Variants in MYH15 observed in about 807,000 individuals in gnomAD.
The protein encoded by MYH15 is myosin-15.
A neutral mutation model predicts 240.5 loss-of-function variants in MYH15; 227 were observed. The ratio of observed to expected loss-of-function variants is 0.94; its 90% CI spans 0.85 to 1.05. MYH15 has a LOEUF of 1.05. Ranked by LOEUF, MYH15 falls within the 50% of genes least tolerant of loss-of-function variation. The pLI is 0.00. For missense variants in MYH15, 2,217 were observed against 2,247.5 expected, an observed-to-expected ratio of 0.99 and a Z score of 0.27; for synonymous variants, 785 against 796.7, an observed-to-expected ratio of 0.99 and a Z score of 0.25.
intron 14 of MYH15, among the ~76,000 whole-genome samples, chr3:108,465,423 G>A (rs1225821383): frequency 6.6e-6 from 1 of 152,200 alleles, no homozygotes; most frequent in Admixed American, 6.5e-5. Context: ...AGGAGCAGCT[G>A]GAGCTCAAAG....
chr3:108,484,387 C>T (rs772615732), intron 11 of MYH15, among the ~76,000 whole-genome samples: 3 of 152,156 alleles, frequency 2.0e-5, no homozygotes, highest in East Asian at 1.9e-4. Context: ...GAGTTAGTTA[C>T]TTCCCACTGG....
chr3:108,431,216 T>G (rs1161448318), intron 25 of MYH15, among the ~76,000 whole-genome samples: 1 of 152,224 alleles, frequency 6.6e-6, no homozygotes, highest in Admixed American at 6.5e-5. Flanking sequence ...AACACAATAA[T>G]TCATTCTCAT....
chr3:108,423,972 A>T (rs917638960), intron 27 of MYH15, among the ~76,000 whole-genome samples: 1 of 152,230 alleles, frequency 6.6e-6, no homozygotes, highest in Non-Finnish European at 1.5e-5. Context: ...TTTTTATTTT[A>T]TGATGTCTCC....
the MYH15 span, among the ~76,000 whole-genome samples, chr3:108,542,065 T>C: frequency 1.3e-5 from 2 of 152,150 alleles, no homozygotes; most frequent in African/African-American, 4.8e-5. Context: ...AACTGTCATG[T>C]ATCATCCTTT....
chr3:108,506,874 T>C lies in MYH15; in HGVS notation c.89-1045A>G, dbSNP rs1305823652. Among the ~76,000 whole-genome samples the C allele has an allele frequency of 5.5e-4, 84 of 151,888 alleles. 1 individual carries two copies. Among genetic ancestry groups the C allele is most frequent in the Admixed American group, 5.4e-3 (83 of 15,254 alleles). On this transcript the variant is annotated intron_variant, in intron 1 of 40. Coordinates refer to ENST00000693548, the MANE Select transcript of MYH15 (RefSeq NM_014981.3). ...GGTGAAACCCCATTTCTACTAAAAA[T>C]ACAAAAATTAGCTGGGCATGGTGGC...
chr3:108,426,477 C>T (rs1342676405), intron 27 of MYH15, among the ~76,000 whole-genome samples: 1 of 152,222 alleles, frequency 6.6e-6, no homozygotes, highest in East Asian at 1.9e-4. Flanking sequence ...GTTCAGTGCT[C>T]CTCTGCCACT....
intron 25 of MYH15, among the ~76,000 whole-genome samples, chr3:108,434,023 A>T (rs1358271303): frequency 6.6e-6 from 1 of 152,082 alleles, no homozygotes; most frequent in African/African-American, 2.4e-5. Context: ...AATATCACAT[A>T]CATTTGCATG....
At chr3:108,456,602 T>C (rs1022752207) in intron 19 of MYH15, among the ~76,000 whole-genome samples, 164 bp downstream of exon 19, 3 of 152,152 alleles carry the variant, frequency 2.0e-5, no homozygotes, top group African/African-American at 7.2e-5. Flanking sequence ...TAAGGGGAAA[T>C]AATAATGGAA....
intron 22 of MYH15, among the ~76,000 whole-genome samples, chr3:108,442,159 T>C (rs1279967497): frequency 6.6e-6 from 1 of 152,178 alleles, no homozygotes; most frequent in East Asian, 1.9e-4. Flanking sequence ...TCCTTCATAA[T>C]ATGCCAGTTT....
chr3:108,413,316 G>C (rs1391949976), intron 30 of MYH15, among the ~76,000 whole-genome samples: 4 of 152,240 alleles, frequency 2.6e-5, no homozygotes, highest in Admixed American at 1.3e-4. Context: ...TGTGGGTACA[G>C]AGATGGATCA....
rs2082871807 is a variant in MYH15, at chr3:108,439,891, A to G, written c.2921T>C (p.Val974Ala). 4 of 1,603,180 alleles carry G rather than the reference A, an allele frequency of 2.5e-6. No individual in the cohort carries two copies. The East Asian group carries it at 6.7e-5, about 27-fold the overall frequency. Residue 974 changes from valine (V) to alanine (A), a missense_variant, in exon 24 of 41, where the codon GTA becomes GCA. Val to Ala is a moderately conservative substitution (Grantham distance 64). Transcript: ENST00000693548. ...EHKVKNLTEE[V>A]EFLNEDISKL... ...GCTGATATCCTCATTTAGAAACTCTACTTCCTCAGTCAAGTTCTTGACCTG... is the reference window on the plus strand; with the variant it reads ...GCTGATATCCTCATTTAGAAACTCTGCTTCCTCAGTCAAGTTCTTGACCTG...
chr3:108,531,809 TAAATA>T (rs1043268005), upstream of MYH15, among the ~76,000 whole-genome samples: 5 of 150,068 alleles, frequency 3.3e-5, no homozygotes, highest in Non-Finnish European at 7.4e-5. Flanking sequence ...AATAAATACA[TAAATA>T]AAATAAAAAT....
At chr3:108,491,819 C>T (rs1046651970) in intron 9 of MYH15, among the ~76,000 whole-genome samples, 6 of 152,198 alleles carry the variant, frequency 3.9e-5, no homozygotes, top group Admixed American at 3.9e-4. Flanking sequence ...CTGTTCCCTG[C>T]TCCTGCTTTG....
Position 108,439,729 on chromosome 3 carries a change from T to C in MYH15, c.3075+8A>G. On this transcript the variant is annotated splice_region_variant and intron_variant, in intron 24 of 40. Coordinates refer to ENST00000693548, the MANE Select transcript of MYH15 (RefSeq NM_014981.3). ...GATAGATAACTAACCAGATACACCGTTACTGACCTCATCAACTTGCTGTTC... is the reference window on the plus strand; with the variant it reads ...GATAGATAACTAACCAGATACACCGCTACTGACCTCATCAACTTGCTGTTC... The C allele has an allele frequency of 6.3e-7, 1 of 1,592,504 alleles. No individual in the cohort carries two copies. The highest frequency in any genetic ancestry group is 8.5e-7 in the Non-Finnish European group (1 of 1,170,178).
chr3:108,435,821 CATATATGTATATGT>C (rs2082828937), intron 25 of MYH15, among the ~76,000 whole-genome samples: 2 of 140,272 alleles, frequency 1.4e-5, no homozygotes, highest in East Asian at 2.5e-4. Flanking sequence ...TGTATATATA[CATATATGTATATGT>C]ATACACACAC....
chr3:108,447,917 A>G (rs2107573594), intron 21 of MYH15, among the ~76,000 whole-genome samples: 1 of 152,300 alleles, frequency 6.6e-6, no homozygotes, highest in South Asian at 2.1e-4. Flanking sequence ...ACTGATTAAT[A>G]GATATACAAT....
At chr3:108,459,543 T>C (rs916637808) in intron 17 of MYH15, 94 bp from the exon 18 acceptor site, 26 of 677,288 alleles carry the variant, frequency 3.8e-5, no homozygotes, top group Non-Finnish European at 5.2e-5. Context: ...ATCAACTTAA[T>C]CTCACAGCCA....
chr3:108,506,511 C>A (rs2083476832), intron 1 of MYH15, among the ~76,000 whole-genome samples: 1 of 152,098 alleles, frequency 6.6e-6, no homozygotes, highest in African/African-American at 2.4e-5. Flanking sequence ...TGAAATGAGC[C>A]AGAACTCTTA....
At chr3:108,478,409 GA>G (rs1406250005) in intron 11 of MYH15, among the ~76,000 whole-genome samples, 1 of 152,138 alleles carries the variant, frequency 6.6e-6, no homozygotes, top group Non-Finnish European at 1.5e-5. Context: ...AAAAATAAAT[GA>G]AAATCAAAGG....
Sources: allele counts gnomAD v4.1 joint callset (sites outside exome capture counted in the v4.1 genomes callset), GRCh38; gene constraint gnomAD v4.1.1; transcripts MANE v1.5; gene names NCBI Gene and HGNC (gene_info 2026-07-23, HGNC 2026-07-21).